TAF4: variants seen among roughly 807,000 people sequenced by gnomAD.
The protein encoded by TAF4 is transcription initiation factor TFIID subunit 4.
Under a neutral mutation model 90.3 loss-of-function variants are expected in TAF4, and 9 were observed. That is an observed-to-expected ratio of 0.10 (90% CI 0.06 to 0.17). TAF4 has a LOEUF of 0.17. TAF4 is among the 10% of genes least tolerant of loss of function. The probability of loss-of-function intolerance (pLI) is 1.00; values close to 1 mark genes in which losing one functional copy is unlikely to be tolerated. For missense variants in TAF4, 1,351 were observed against 1,370.7 expected (o/e 0.99, Z 0.23); for synonymous variants, 818 against 638.9 (o/e 1.28, Z -4.23).
At chr20:62,042,369 C>G (rs2055968447) in intron 1 of TAF4, among the ~76,000 whole-genome samples, 1 of 152,350 alleles carries the variant, frequency 6.6e-6, no homozygotes, top group South Asian at 2.1e-4. Flanking sequence ...AAAATCCCCA[C>G]AAATGCCATC....
intron 14 of TAF4, among the ~76,000 whole-genome samples, chr20:61,977,131 C>T (rs1223525631): frequency 6.7e-6 from 1 of 148,546 alleles, no homozygotes; most frequent in Non-Finnish European, 1.5e-5. Context: ...CACCGCCCAG[C>T]GGGGCACGCG....
intron 9 of TAF4, 64 bp downstream of exon 9, chr20:62,003,096 A>G (rs2055717733): frequency 7.0e-7 from 1 of 1,432,698 alleles, no homozygotes; most frequent in African/African-American, 1.4e-5. Context: ...ATGGAGCAGC[A>G]CGGACTCTGG....
intron 1 of TAF4, chr20:62,037,602 A>G (rs1316884062): frequency 6.5e-6 from 1 of 153,326 alleles, no homozygotes; most frequent in Non-Finnish European, 1.5e-5. Context: ...CCCACAGCGC[A>G]TCCTGGGTGC....
intron 14 of TAF4, among the ~76,000 whole-genome samples, chr20:61,981,825 C>T (rs994480826): frequency 1.3e-4 from 18 of 137,430 alleles, no homozygotes; most frequent in Admixed American, 7.4e-4. Flanking sequence ...AACCCACACC[C>T]ACCGGAGAGG....
chr20:62,030,520 C>A (rs2055898969), intron 1 of TAF4, among the ~76,000 whole-genome samples: 1 of 152,246 alleles, frequency 6.6e-6, no homozygotes, highest in African/African-American at 2.4e-5. Context: ...AACTGTCACA[C>A]CCCACTGCGG....
chr20:61,992,237 G>C (rs997701094), intron 14 of TAF4, among the ~76,000 whole-genome samples: 1 of 152,212 alleles, frequency 6.6e-6, no homozygotes, highest in Admixed American at 6.5e-5. Context: ...GTGTGTAACA[G>C]CTAAATGTTT....
intron 14 of TAF4, among the ~76,000 whole-genome samples, chr20:61,993,799 C>A (rs2055646634): frequency 6.6e-6 from 1 of 152,136 alleles, no homozygotes; most frequent in African/African-American, 2.4e-5. Flanking sequence ...GTCACCCAGG[C>A]TAGAGTGCAG....
chr20:62,018,646 A>G (rs1385900175), intron 1 of TAF4, among the ~76,000 whole-genome samples: 1 of 152,196 alleles, frequency 6.6e-6, no homozygotes, highest in African/African-American at 2.4e-5. Flanking sequence ...CACGTGGGAC[A>G]CTGGCCGTGT....
intron 12 of TAF4, among the ~76,000 whole-genome samples, chr20:61,998,748 G>C (rs1799751548): frequency 6.6e-6 from 1 of 152,252 alleles, no homozygotes; most frequent in South Asian, 2.1e-4. Context: ...GGGTGTGACT[G>C]TGTGGAGCGT....
chr20:62,003,566 T>C (rs1156881034), intron 8 of TAF4, among the ~76,000 whole-genome samples, 165 bp downstream of exon 8: 1 of 152,250 alleles, frequency 6.6e-6, no homozygotes, highest in African/African-American at 2.4e-5. Flanking sequence ...ACAGTGGTGA[T>C]GGTTACACAA....
At chr20:62,027,075 C>G (rs970925088) in intron 1 of TAF4, among the ~76,000 whole-genome samples, 3 of 152,222 alleles carry the variant, frequency 2.0e-5, no homozygotes, top group Non-Finnish European at 4.4e-5. Flanking sequence ...CAACAATACA[C>G]CAAACTCCGA....
At position 62,064,484 on chromosome 20, in the gene TAF4, G is replaced by C. The variant is rs778598147; in HGVS notation, c.1327C>G (p.Pro443Ala). ...AGCTGGAAGTTCTGGATGTTGGTCG[G>C]GTTCTGAGGCGGCTGCGGCAAGCGG... ...APRLPQPPQN[P>A]TNIQNFQLPP... Residue 443 changes from proline (P) to alanine (A), a missense_variant, in exon 1 of 15, where the codon CCG becomes GCG. Transcript: ENST00000252996. 3.3e-6 allele frequency: 5 copies of C among 1,510,504 alleles called. No homozygotes were observed. The highest frequency in any genetic ancestry group is 4.4e-6 in the Non-Finnish European group (5 of 1,129,978). The allele number at this position is 1,510,504 out of a possible 1,614,324, so 93.6% of individuals were successfully genotyped here. A position where few individuals can be genotyped will look rare whatever the true frequency, so the allele number is the denominator to read the frequency against.
chr20:62,049,646 A>ACCCTGCCCGCCCCAGCCCCGCC (rs1239526226), intron 1 of TAF4, among the ~76,000 whole-genome samples: 2 of 149,358 alleles, frequency 1.3e-5, no homozygotes, highest in African/African-American at 2.5e-5. Context: ...CCAGCCCCGC[A>ACCCTGCCCGCCCCAGCCCCGCC]CCCTGCCCCT....
At chr20:62,050,582 A>C (rs1315852719) in intron 1 of TAF4, among the ~76,000 whole-genome samples, 1 of 152,146 alleles carries the variant, frequency 6.6e-6, no homozygotes, top group Non-Finnish European at 1.5e-5. Context: ...AAATGGTCAA[A>C]GCCCCAATAA....
chr20:62,036,873 A>G (rs1409508170), intron 1 of TAF4, among the ~76,000 whole-genome samples: 1 of 152,228 alleles, frequency 6.6e-6, no homozygotes, highest in African/African-American at 2.4e-5. Flanking sequence ...TTGGGGGCCC[A>G]GCCCTCATTA....
intron 14 of TAF4, among the ~76,000 whole-genome samples, chr20:61,990,198 T>C (rs905568631): frequency 2.6e-5 from 4 of 152,034 alleles, no homozygotes; most frequent in African/African-American, 7.2e-5. Context: ...AGTGTACATA[T>C]TGAAAAAGTA....
chr20:62,039,929 A>G (rs895527782), intron 1 of TAF4, among the ~76,000 whole-genome samples: 2 of 152,214 alleles, frequency 1.3e-5, no homozygotes, highest in Non-Finnish European at 2.9e-5. Context: ...GGGAAATGCA[A>G]ATCAAAGCCA....
intron 7 of TAF4, chr20:62,005,342 G>A (rs1353375262): frequency 6.6e-6 from 1 of 152,268 alleles, no homozygotes; most frequent in African/African-American, 2.4e-5. Context: ...TGGTCAGGAG[G>A]AGCCCAGGGA....
At chr20:62,025,496 G>A (rs1447711203) in intron 1 of TAF4, among the ~76,000 whole-genome samples, 1 of 152,174 alleles carries the variant, frequency 6.6e-6, no homozygotes, top group African/African-American at 2.4e-5. Context: ...TGTGGAGGGA[G>A]GGAAGTGACT....
Sources: gnomAD v4.1 joint callset for allele counts (sites outside exome capture counted in the v4.1 genomes callset) on GRCh38, gnomAD v4.1.1 for gene constraint, MANE v1.5 for transcripts, NCBI Gene and HGNC (gene_info 2026-07-23, HGNC 2026-07-21) for gene names.